Variants in TRANK1 observed in about 807,000 individuals in gnomAD.
The protein encoded by TRANK1 is TPR and ankyrin repeat-containing protein 1.
In TRANK1, 198 loss-of-function variants were observed where a neutral mutation model predicts 266.0. That is an observed-to-expected ratio of 0.74 (90% CI 0.66 to 0.84). TRANK1 has a LOEUF of 0.84. Ranked by LOEUF, TRANK1 falls within the 40% of genes least tolerant of loss-of-function variation. TRANK1 has a pLI of 0.00. For missense variants in TRANK1, 3,326 were observed against 3,634.6 expected (o/e 0.92, Z 2.18); for synonymous variants, 1,396 against 1,384.1 (o/e 1.01, Z -0.19).
intron 2 of TRANK1, 136 bp downstream of exon 2, chr3:36,908,187 G>A: frequency 9.8e-7 from 1 of 1,020,810 alleles, no homozygotes; most frequent in Non-Finnish European, 1.3e-6. Context: ...AGCTGACAAT[G>A]CAGAGAAGAT....
chr3:36,855,996 C>G lies in TRANK1; in HGVS notation c.3726G>C (p.Leu1242=), dbSNP rs1559430216. The G allele has an allele frequency of 8.1e-6, 13 of 1,613,676 alleles. No individual in the cohort carries two copies. The highest frequency in any genetic ancestry group is 1.0e-5 in the Non-Finnish European group (12 of 1,179,862). Residue 1242 remains leucine, a synonymous_variant, in exon 13 of 24, where the codon CTG becomes CTC. Transcript: ENST00000645898. ...LQDLRDENFP[L]FVTSKQLLLL... ...GAAGCAGCTGCTTGGAAGTGACAAA[C>G]AGAGGAAAGTTCTCGTCCCTCAGGT...
At chr3:36,907,001 G>A (rs746302932) in intron 2 of TRANK1, among the ~76,000 whole-genome samples, 1 of 152,212 alleles carries the variant, frequency 6.6e-6, no homozygotes, top group Non-Finnish European at 1.5e-5. Context: ...CATATGACAT[G>A]TGATATTGCA....
chr3:36,838,857 G>A, intron 18 of TRANK1, 141 bp from the exon 19 acceptor site: 1 of 794,820 alleles, frequency 1.3e-6, no homozygotes, highest in South Asian at 1.8e-5. Context: ...GAGCAGGAAG[G>A]TGCAGATATT....
At chr3:36,909,238 A>G (rs2080017830) in intron 1 of TRANK1, among the ~76,000 whole-genome samples, 1 of 152,178 alleles carries the variant, frequency 6.6e-6, no homozygotes, top group Non-Finnish European at 1.5e-5. Context: ...TATGGCCTTG[A>G]ACATAAGGGG....
At position 36,879,890 on chromosome 3, in the gene TRANK1, A is replaced by T. The variant is rs1336604814; in HGVS notation, c.908-5594T>A. ...TGTAAACATACAAATATATGTAAAC[A>T]TGCAAATATATGTAAACATGCAAAT... On this transcript the variant is annotated intron_variant, in intron 8 of 23. Transcript: ENST00000645898. Among the ~76,000 whole-genome samples the T allele has an allele frequency of 2.2e-5, 2 of 89,892 alleles. 1 individual carries two copies. The highest frequency in any genetic ancestry group is 3.9e-5 in the Non-Finnish European group (2 of 50,822). The allele number at this position is 89,892 out of a possible 152,430, so 59.0% of individuals were successfully genotyped here. A position where few individuals can be genotyped will look rare whatever the true frequency, so the allele number is the denominator to read the frequency against.
chr3:36,861,170 A>G lies in TRANK1; in HGVS notation c.1241-10T>C. 6.5e-7 allele frequency: 1 copy of G among 1,535,776 alleles called. No homozygotes were observed. The highest frequency in any genetic ancestry group is 8.7e-7 in the Non-Finnish European group (1 of 1,145,948). ...AGGTCAGGAGGAATTTCTTTCAAAA[A>G]TAAGAGTAAGACACATTCCAAAAAT... is the stretch of plus-strand genomic sequence containing the variant. On this transcript the variant is annotated splice_polypyrimidine_tract_variant and intron_variant, in intron 10 of 23. Transcript: ENST00000645898.
chr3:36,844,827 G>A (rs1433593970), intron 17 of TRANK1, among the ~76,000 whole-genome samples: 1 of 152,006 alleles, frequency 6.6e-6, no homozygotes, highest in Non-Finnish European at 1.5e-5. Context: ...CTCCAAACTG[G>A]CTGAGGAATG....
At chr3:36,844,852 C>T (rs550417042) in intron 17 of TRANK1, among the ~76,000 whole-genome samples, 38 of 152,232 alleles carry the variant, frequency 2.5e-4, no homozygotes, top group Admixed American at 1.2e-3. Context: ...GGACAAACCT[C>T]TCTCCAGCAG....
chr3:36,840,400 A>G (rs2078827915), intron 18 of TRANK1, among the ~76,000 whole-genome samples: 1 of 152,212 alleles, frequency 6.6e-6, no homozygotes, highest in African/African-American at 2.4e-5. Flanking sequence ...CCAAACCTAC[A>G]ATAGCATAAA....
chr3:36,861,188 C>A (rs1312666734), intron 10 of TRANK1, 28 bp from the exon 11 acceptor site: 2 of 1,525,790 alleles, frequency 1.3e-6, no homozygotes, highest in Admixed American at 4.0e-5. Flanking sequence ...AAGACACATT[C>A]CAAAAATGTT....
At chr3:36,892,426 T>A in intron 6 of TRANK1, 86 bp from the exon 7 acceptor site, 9 of 1,465,564 alleles carry the variant, frequency 6.1e-6, no homozygotes, top group Non-Finnish European at 8.2e-6. Context: ...AAGTATGGAA[T>A]CAGTAAAACT....
Position 36,834,836 on chromosome 3 carries a change from A to C in TRANK1, c.5589T>G (p.Ile1863Met). The C allele has an allele frequency of 6.2e-7, 1 of 1,613,738 alleles. No homozygotes were observed. The highest frequency in any genetic ancestry group is 8.5e-7 in the Non-Finnish European group (1 of 1,179,810). The change falls in exon 21 of 24, where the codon ATT becomes ATG. Residue 1863 changes from isoleucine (I) to methionine (M), a missense_variant. By Grantham distance (10) the Ile-to-Met change is conservative (BLOSUM62 1). Transcript: ENST00000645898. ...YKDAFRCFEQ[I>M]QEFDLALKMY... ...TTTTGAGTGCTAGATCAAATTCCTGAATCTGCTCAAAGCATCTGAAAGCGT... is the reference window on the plus strand; with the variant it reads ...TTTTGAGTGCTAGATCAAATTCCTGCATCTGCTCAAAGCATCTGAAAGCGT...
intron 8 of TRANK1, among the ~76,000 whole-genome samples, chr3:36,877,713 C>T (rs945249423): frequency 2.0e-5 from 3 of 152,108 alleles, no homozygotes; most frequent in Non-Finnish European, 4.4e-5. Context: ...AAAAAACTGG[C>T]ATTATACATA....
At chr3:36,878,855 T>G (rs994597295) in intron 8 of TRANK1, among the ~76,000 whole-genome samples, 1 of 152,046 alleles carries the variant, frequency 6.6e-6, no homozygotes, top group Non-Finnish European at 1.5e-5. Flanking sequence ...CTTGTTTAAT[T>G]AAAACGTACT....
In TRANK1 at chr3:36,852,231, AG is replaced by A; in HGVS notation, c.4663del (p.Leu1555TrpfsTer6). On this transcript the variant is annotated frameshift_variant, in exon 14 of 24. Coordinates refer to ENST00000645898, the MANE Select transcript of TRANK1 (RefSeq NM_001329998.2). LOFTEE classifies it high-confidence loss of function. Reference sequence around the variant, plus strand: ...CAAGTCGCTTACACTACAAGACTCCAGAACAGTTGGCTTAGGACCATCAAAG... The same window carrying A: ...CAAGTCGCTTACACTACAAGACTCCAAACAGTTGGCTTAGGACCATCAAAG... ...GLFDGPKPTVLESCSVSDLAI... is the reference protein window; with the variant it reads ...GLFDGPKPTVXESCSVSDLAI... 1 of 1,613,832 alleles carries A rather than the reference AG, an allele frequency of 6.2e-7. No homozygotes were observed. The highest frequency in any genetic ancestry group is 8.5e-7 in the Non-Finnish European group (1 of 1,179,858).
At chr3:36,876,377 C>T (rs916218628) in intron 8 of TRANK1, among the ~76,000 whole-genome samples, 1 of 152,250 alleles carries the variant, frequency 6.6e-6, no homozygotes, top group Non-Finnish European at 1.5e-5. Flanking sequence ...CTGGCCAGGG[C>T]CTTGCCAATC....
intron 17 of TRANK1, among the ~76,000 whole-genome samples, chr3:36,844,297 G>A (rs1575190698): frequency 3.3e-5 from 5 of 152,034 alleles, no homozygotes; most frequent in African/African-American, 1.2e-4. Context: ...CACAATCTTG[G>A]GTTACTGCAA....
chr3:36,915,586 G>A (rs1401318735), intron 1 of TRANK1, among the ~76,000 whole-genome samples: 4 of 152,178 alleles, frequency 2.6e-5, no homozygotes, highest in Admixed American at 1.3e-4. Flanking sequence ...CTGTGCTGGG[G>A]ATCAGGAGTC....
chr3:36,884,941 A>G (rs2079581668), intron 8 of TRANK1, among the ~76,000 whole-genome samples: 1 of 152,084 alleles, frequency 6.6e-6, no homozygotes. Context: ...CAGAAAAAAA[A>G]AAAAAAAAAT....
Sources: gnomAD v4.1 joint callset for allele counts (sites outside exome capture counted in the v4.1 genomes callset) on GRCh38, gnomAD v4.1.1 for gene constraint, MANE v1.5 for transcripts, NCBI Gene and HGNC (gene_info 2026-07-23, HGNC 2026-07-21) for gene names.